Variants in CNTN4 observed in about 807,000 individuals in gnomAD.
CNTN4 encodes the protein contactin 4, also known as contactin-4.
A neutral mutation model predicts 122.5 loss-of-function variants in CNTN4; 77 were observed. The observed-to-expected ratio is 0.63, with a 90% confidence interval of 0.52 to 0.76. The LOEUF (loss-of-function observed/expected upper bound fraction) is 0.76, where lower values mean the gene tolerates loss of function less well. CNTN4 is among the 30% of genes least tolerant of loss of function. The probability of loss-of-function intolerance (pLI) is 0.00; values close to 1 mark genes in which losing one functional copy is unlikely to be tolerated. For missense variants in CNTN4, 1,256 were observed against 1,259.1 expected, an observed-to-expected ratio of 1.00 and a Z score of 0.04; for synonymous variants, 512 against 447.0, an observed-to-expected ratio of 1.15 and a Z score of -1.83.
chr3:2,312,608 G>A (rs1466108887), intron 2 of CNTN4, among the ~76,000 whole-genome samples: 1 of 152,070 alleles, frequency 6.6e-6, no homozygotes, highest in Non-Finnish European at 1.5e-5. Context: ...TTGTGACACA[G>A]ATGGTTTGGT....
chr3:2,921,142 A>G (rs761870067), intron 12 of CNTN4, among the ~76,000 whole-genome samples: 9 of 152,132 alleles, frequency 5.9e-5, no homozygotes, highest in Non-Finnish European at 1.3e-4. Flanking sequence ...AGTTCAAGTG[A>G]TCTTCTCACC....
chr3:2,425,163 C>T (rs759049170), intron 3 of CNTN4, among the ~76,000 whole-genome samples: 11 of 151,974 alleles, frequency 7.2e-5, no homozygotes, highest in South Asian at 2.1e-4. Flanking sequence ...TGTCCTGAAT[C>T]GTATTGCCTA....
intron 3 of CNTN4, among the ~76,000 whole-genome samples, chr3:2,480,972 A>G (rs2075973836): frequency 6.6e-6 from 1 of 152,114 alleles, no homozygotes; most frequent in Non-Finnish European, 1.5e-5. Flanking sequence ...CAAAGGAGTA[A>G]AGGCAATAAA....
At chr3:2,976,070 C>T (rs912756181) in intron 13 of CNTN4, among the ~76,000 whole-genome samples, 2 of 152,028 alleles carry the variant, frequency 1.3e-5, no homozygotes, top group African/African-American at 4.8e-5. Flanking sequence ...TTTCCTTTTC[C>T]CAAAGACATG....
chr3:2,757,332 G>A (rs533363294), intron 6 of CNTN4, among the ~76,000 whole-genome samples: 5 of 152,116 alleles, frequency 3.3e-5, no homozygotes, highest in South Asian at 2.1e-4. Context: ...TTTCTCCATA[G>A]GGCAATGATT....
chr3:2,488,459 T>G (rs13061721), intron 3 of CNTN4, among the ~76,000 whole-genome samples: 14,502 of 150,646 alleles, frequency 0.096, 895 homozygotes, highest in Middle Eastern at 0.16. Flanking sequence ...TGTTGGGGGG[T>G]GTGTGTGCCC....
chr3:3,054,725 C>T (rs974370964), intron 24 of CNTN4, among the ~76,000 whole-genome samples: 1 of 152,080 alleles, frequency 6.6e-6, no homozygotes, highest in African/African-American at 2.4e-5. Flanking sequence ...GGCACTGGGT[C>T]TTCATTTGGG....
chr3:2,325,728 G>A (rs1210498692), intron 2 of CNTN4, among the ~76,000 whole-genome samples: 3 of 152,176 alleles, frequency 2.0e-5, no homozygotes, highest in Non-Finnish European at 2.9e-5. Context: ...TAAGGGTAGC[G>A]AAAAATGTAA....
chr3:2,895,537 G>A (rs780443223), intron 10 of CNTN4, among the ~76,000 whole-genome samples: 10 of 152,084 alleles, frequency 6.6e-5, no homozygotes, highest in South Asian at 6.2e-4. Flanking sequence ...CTTGCTATCC[G>A]TGCTATCTGT....
intron 10 of CNTN4, among the ~76,000 whole-genome samples, chr3:2,887,699 A>G (rs939400373): frequency 3.9e-5 from 6 of 152,134 alleles, no homozygotes; most frequent in African/African-American, 1.4e-4. Context: ...CACTGTCCAA[A>G]TTTAGTTCTT....
chr3:2,238,519 T>G (rs1037160516), intron 2 of CNTN4, among the ~76,000 whole-genome samples: 3 of 151,848 alleles, frequency 2.0e-5, no homozygotes, highest in African/African-American at 7.2e-5. Context: ...ATATCTTAAA[T>G]TTGTTATCTG....
rs1385426884 is a variant in CNTN4, at chr3:3,039,784, G to C, written c.2164-253G>C. The stretch of plus-strand genomic sequence containing the variant: ...TTTACAATCATTTCCAACCATTTCA[G>C]AGCTGGGTCTGCCCCATCAAAGAGC... On this transcript the variant is annotated intron_variant, in intron 19 of 24. Coordinates refer to ENST00000418658, the MANE Select transcript of CNTN4 (RefSeq NM_175607.3). The C allele has an allele frequency of 1.0e-5, 5 of 483,676 alleles. No individual in the cohort carries two copies. The Admixed American group carries it at 1.6e-4, about 16-fold the overall frequency. The allele number at this position is 483,676 out of a possible 1,614,324, so 30.0% of individuals were successfully genotyped here.
chr3:2,527,388 C>T (rs187019233), intron 3 of CNTN4, among the ~76,000 whole-genome samples: 1 of 151,998 alleles, frequency 6.6e-6, no homozygotes, highest in Admixed American at 6.6e-5. Flanking sequence ...AGGACTGGCA[C>T]ACCAAATGAG....
intron 8 of CNTN4, among the ~76,000 whole-genome samples, chr3:2,874,576 C>T (rs910610380): frequency 1.3e-5 from 2 of 152,064 alleles, no homozygotes; most frequent in African/African-American, 2.4e-5. Flanking sequence ...GCTGAGAAGC[C>T]TAATTGCAGT....
intron 3 of CNTN4, among the ~76,000 whole-genome samples, chr3:2,475,671 T>C (rs146590459): frequency 6.6e-6 from 1 of 152,306 alleles, no homozygotes; most frequent in East Asian, 1.9e-4. Flanking sequence ...ATTTAAGCTA[T>C]TGGTGGTTCA....
At chr3:2,823,646 A>C (rs533077779) in intron 7 of CNTN4, among the ~76,000 whole-genome samples, 1 of 152,212 alleles carries the variant, frequency 6.6e-6, no homozygotes, top group East Asian at 1.9e-4. Flanking sequence ...GCTTTCTGCC[A>C]ACTCCAGGGT....
intron 2 of CNTN4, among the ~76,000 whole-genome samples, chr3:2,302,318 C>T (rs2042554443): frequency 6.6e-6 from 1 of 152,080 alleles, no homozygotes; most frequent in Non-Finnish European, 1.5e-5. Context: ...ATCTCAGCTA[C>T]TGAGGAGGCT....
intron 2 of CNTN4, among the ~76,000 whole-genome samples, chr3:2,273,228 A>G (rs1559400844): frequency 6.6e-6 from 1 of 152,214 alleles, no homozygotes; most frequent in Non-Finnish European, 1.5e-5. Flanking sequence ...TTCCATGACC[A>G]TTTTTAAAAT....
At position 2,541,826 on chromosome 3, in the gene CNTN4, T is replaced by G. The variant is rs190369273; in HGVS notation, c.-88-29590T>G. Among the ~76,000 whole-genome samples the G allele has an allele frequency of 9.2e-5, 14 of 152,112 alleles. No homozygotes were observed. In the East Asian group the frequency reaches 1.7e-3, roughly 19 times the overall value. ...GGCCTTCTTCAACTCTTAATTAGCT[T>G]GCTATGAGTGGAGATGCCATCTTGA... On this transcript the variant is annotated intron_variant, in intron 3 of 24. Coordinates refer to ENST00000418658, the MANE Select transcript of CNTN4 (RefSeq NM_175607.3).
Sources: allele counts gnomAD v4.1 joint callset (sites outside exome capture counted in the v4.1 genomes callset), GRCh38; gene constraint gnomAD v4.1.1; transcripts MANE v1.5; gene names NCBI Gene and HGNC (gene_info 2026-07-23, HGNC 2026-07-21).